The following C17orf99 variants were observed in gnomAD, a reference collection of about 807,000 sequenced individuals.
C17orf99 encodes the protein chromosome 17 open reading frame 99, also known as protein IL-40.
In C17orf99, 18 loss-of-function variants were observed where a neutral mutation model predicts 22.6. That is an observed-to-expected ratio of 0.80 (90% CI 0.55 to 1.18). The LOEUF (loss-of-function observed/expected upper bound fraction) is 1.18. Ranked by LOEUF, C17orf99 falls within the 50% of genes most tolerant of loss-of-function variation. C17orf99 has a pLI of 0.00. For missense variants in C17orf99, 328 were observed against 342.7 expected, an observed-to-expected ratio of 0.96 and a Z score of 0.34; for synonymous variants, 147 against 136.6, an observed-to-expected ratio of 1.08 and a Z score of -0.53.
chr17:78,152,189 C>G (rs1461797319), intron 2 of C17orf99, among the ~76,000 whole-genome samples: 3 of 151,716 alleles, frequency 2.0e-5, no homozygotes, highest in African/African-American at 7.3e-5. Flanking sequence ...TATTTACTTA[C>G]TTATTTTGAG....
rs549904486 is a variant in C17orf99 at position 78,147,381 on chromosome 17, C to T, written c.70+470C>T. On this transcript the variant is annotated intron_variant, in intron 2 of 4. Transcript: ENST00000340363. ...GTGAGAGGATGGTGAAGTTAAGGCT[C>T]CCCCAGGGGCCTGACATACACGAGG... 6.6e-5 allele frequency among the ~76,000 whole-genome samples: 10 copies of T among 152,274 alleles called. No homozygotes were observed. The East Asian group carries it at 1.9e-3, about 29-fold the overall frequency.
chr17:78,165,812 G>C (rs564892227), intron 4 of C17orf99, 77 bp from the exon 5 acceptor site: 3 of 1,269,614 alleles, frequency 2.4e-6, no homozygotes, highest in Non-Finnish European at 3.0e-6. Flanking sequence ...CAAAACAAAC[G>C]AACACTCTCA....
intron 2 of C17orf99, among the ~76,000 whole-genome samples, chr17:78,150,993 G>A (rs988377054): frequency 1.3e-5 from 2 of 151,760 alleles, no homozygotes; most frequent in Non-Finnish European, 2.9e-5. Context: ...CTTGGTGGCA[G>A]GCGCCTGTAA....
In C17orf99 at chr17:78,165,918, G is replaced by A; in HGVS notation, c.670G>A (p.Gly224Ser). ...TGACCAGAAGATGGAGGACTGGCAG[G>A]GTCCCCTGGAGAGCCCCATCCTTGC... is the stretch of plus-strand genomic sequence containing the variant. Reference protein sequence around the residue: ...GGDQKMEDWQGPLESPILALP... With the variant: ...GGDQKMEDWQSPLESPILALP... Residue 224 changes from glycine (G) to serine (S), a missense_variant, in exon 5 of 5, where the codon GGT (glycine) becomes AGT (serine). Coordinates refer to ENST00000340363, the MANE Select transcript of C17orf99 (RefSeq NM_001163075.2). 7.2e-7 allele frequency: 1 copy of A among 1,393,956 alleles called. No individual in the cohort carries two copies. The highest frequency in any genetic ancestry group is 2.7e-5 in the Admixed American group (1 of 37,506). The allele number at this position is 1,393,956 out of a possible 1,614,324, so 86.3% of individuals were successfully genotyped here.
At chr17:78,153,252 C>T (rs530628403) in intron 2 of C17orf99, among the ~76,000 whole-genome samples, 3 of 151,616 alleles carry the variant, frequency 2.0e-5, no homozygotes, top group Non-Finnish European at 2.9e-5. Flanking sequence ...GGGAGGCCGA[C>T]GGGGGTGGAT....
At chr17:78,151,512 T>C (rs1324750622) in intron 2 of C17orf99, among the ~76,000 whole-genome samples, 1 of 151,420 alleles carries the variant, frequency 6.6e-6, no homozygotes, top group African/African-American at 2.4e-5. Flanking sequence ...CTGACAGTGC[T>C]GGAAGCTGCA....
intron 2 of C17orf99, among the ~76,000 whole-genome samples, chr17:78,148,413 C>T (rs1467757871): frequency 6.6e-6 from 1 of 151,992 alleles, no homozygotes; most frequent in Non-Finnish European, 1.5e-5. Flanking sequence ...CCTGTTGTCC[C>T]AGCTACTCGG....
intron 2 of C17orf99, 147 bp downstream of exon 2, chr17:78,147,058 C>G (rs1242732308): frequency 1.4e-6 from 1 of 725,510 alleles, no homozygotes; most frequent in African/African-American, 1.7e-5. Flanking sequence ...CTGGAACACT[C>G]TCTTCACCCT....
At chr17:78,164,637 A>G (rs1032137806) in intron 4 of C17orf99, 1 of 1,485,980 alleles carries the variant, frequency 6.7e-7, no homozygotes, top group African/African-American at 1.4e-5. Flanking sequence ...CACCTCCAGG[A>G]TGCTGGGCTG....
chr17:78,154,902 G>T (rs1439893398), intron 2 of C17orf99, among the ~76,000 whole-genome samples: 2 of 151,474 alleles, frequency 1.3e-5, no homozygotes, highest in African/African-American at 4.9e-5. Context: ...TTTTCAAAGG[G>T]GCACAGATGA....
In C17orf99 at chr17:78,146,544, G is replaced by A; in HGVS notation, c.37+100G>A. Reference sequence around the variant, plus strand: ...GAGCACAGGAGAGATGAGGCCTGAAGGAAGGGCACCTCTGGAAACATGGAC... The same window carrying A: ...GAGCACAGGAGAGATGAGGCCTGAAAGAAGGGCACCTCTGGAAACATGGAC... On this transcript the variant is annotated intron_variant, in intron 1 of 4. Transcript: ENST00000340363. This position sits in a 1 kb window ranked among gnomAD's most constrained non-coding sequence, Gnocchi z 5.2. 3.7e-6 allele frequency: 4 copies of A among 1,079,710 alleles called. No individual in the cohort carries two copies. Among genetic ancestry groups the A allele is most frequent in the African/African-American group, 1.6e-5 (1 of 63,874 alleles). The allele number at this position is 1,079,710 out of a possible 1,614,324, so 66.9% of individuals were successfully genotyped here.
At chr17:78,154,181 T>C (rs2075507813) in intron 2 of C17orf99, among the ~76,000 whole-genome samples, 1 of 151,338 alleles carries the variant, frequency 6.6e-6, no homozygotes, top group African/African-American at 2.4e-5. Context: ...CCTCTCAGCC[T>C]CCCAAAGTGC....
intron 2 of C17orf99, chr17:78,160,647 G>T (rs1352829203): frequency 3.7e-5 from 15 of 401,258 alleles, no homozygotes; most frequent in African/African-American, 3.1e-4. Context: ...TGTGATCTCG[G>T]CTCACTGCCA....
Position 78,153,310 on chromosome 17 carries a change from C to A in C17orf99, c.70+6399C>A, listed in dbSNP as rs2075499794. On this transcript the variant is annotated intron_variant, in intron 2 of 4. Coordinates refer to ENST00000340363, the MANE Select transcript of C17orf99 (RefSeq NM_001163075.2). Reference sequence around the variant, plus strand: ...ACCAGCCTGGCCAACATGGAGAAACCCCAGCTCTACTAAAAATACAAAAAA... The same window carrying A: ...ACCAGCCTGGCCAACATGGAGAAACACCAGCTCTACTAAAAATACAAAAAA... 2.0e-5 allele frequency among the ~76,000 whole-genome samples: 3 copies of A among 152,022 alleles called. No homozygotes were observed. The South Asian group carries it at 6.2e-4, about 32-fold the overall frequency.
At chr17:78,159,649 C>T (rs2075557859) in intron 2 of C17orf99, among the ~76,000 whole-genome samples, 1 of 151,682 alleles carries the variant, frequency 6.6e-6, no homozygotes, top group African/African-American at 2.4e-5. Context: ...TGTTGCTCAA[C>T]CACCACCGCT....
intron 2 of C17orf99, among the ~76,000 whole-genome samples, chr17:78,151,249 AC>A (rs767931176): frequency 4.3e-4 from 65 of 151,326 alleles, no homozygotes; most frequent in Admixed American, 2.0e-4. Context: ...ACATGCGGAA[AC>A]CCTGTCTCTA....
chr17:78,164,168 C>T lies in C17orf99; in HGVS notation c.444C>T (p.Cys148=). ...CAGGCCCCAGGGTGGAGATGATCTGCCAGGCGTCCTCGGGCAGCCCACCTA... is the reference window on the plus strand; with the variant it reads ...CAGGCCCCAGGGTGGAGATGATCTGTCAGGCGTCCTCGGGCAGCCCACCTA... ...RGAGPRVEMI[C]QASSGSPPIT... The change falls in exon 4 of 5, where the codon TGC becomes TGT. Residue 148 remains cysteine (C), a synonymous_variant. Coordinates refer to ENST00000340363, the MANE Select transcript of C17orf99 (RefSeq NM_001163075.2). 1 of 1,551,622 alleles carries T rather than the reference C, an allele frequency of 6.4e-7. No homozygotes were observed. The highest frequency in any genetic ancestry group is 2.0e-5 in the Admixed American group (1 of 51,012).
chr17:78,161,238 C>T lies in C17orf99; in HGVS notation c.354C>T (p.His118=), dbSNP rs752609428. 3 of 1,551,654 alleles carry T rather than the reference C, an allele frequency of 1.9e-6. No individual in the cohort carries two copies. The highest frequency in any genetic ancestry group is 1.7e-4 in the Middle Eastern group (1 of 5,990). The change falls in exon 3 of 5, where the codon CAC becomes CAT. Residue 118 remains histidine, a synonymous_variant. Transcript: ENST00000340363. ...TGGACAGTGCCAGGCTACAGATGCA[C>T]TGGGAGCTGTGGTCCAGTGAGTGCG... ...AHVDSARLQM[H]WELWSKPVSE... is the part of the protein sequence containing the mutation.
Position 78,146,512 on chromosome 17 carries a change from G to T in C17orf99, c.37+68G>T. The stretch of plus-strand genomic sequence containing the variant: ...CTTGAGGTCTTGGGCTCAGGTGGGG[G>T]TACTGGGAGCACAGGAGAGATGAGG... On this transcript the variant is annotated intron_variant, in intron 1 of 4. Transcript: ENST00000340363. The surrounding 1 kb of genome is among the most constrained non-coding windows in gnomAD (Gnocchi z 5.2). The T allele has an allele frequency of 5.0e-6, 7 of 1,409,406 alleles. No homozygotes were observed. Among genetic ancestry groups the T allele is most frequent in the Non-Finnish European group, 5.9e-6 (6 of 1,023,486 alleles). 87.3% of individuals were successfully genotyped at this position (1,409,406 alleles called of 1,614,324 possible).
Sources: allele counts gnomAD v4.1 joint callset (sites outside exome capture counted in the v4.1 genomes callset), GRCh38; gene constraint gnomAD v4.1.1; non-coding constraint Gnocchi (gnomAD v3.1); transcripts MANE v1.5; gene names NCBI Gene and HGNC (gene_info 2026-07-23, HGNC 2026-07-21).